Variants in PIEZO2 observed in about 807,000 individuals in gnomAD.
PIEZO2 encodes the protein piezo-type mechanosensitive ion channel component 2.
A neutral mutation model predicts 337.3 loss-of-function variants in PIEZO2; 172 were observed. The ratio of observed to expected loss-of-function variants is 0.51; its 90% CI spans 0.45 to 0.58. PIEZO2 has a LOEUF of 0.58. Among genes scored for constraint, PIEZO2 ranks in the 20% least tolerant of loss-of-function variants. The pLI is 0.00. For missense variants in PIEZO2, 3,028 were observed against 3,391.3 expected (o/e 0.89, Z 2.66); for synonymous variants, 1,251 against 1,228.5 (o/e 1.02, Z -0.38).
intron 1 of PIEZO2, among the ~76,000 whole-genome samples, chr18:11,087,471 T>C (rs1021037714): frequency 6.6e-6 from 1 of 152,208 alleles, no homozygotes; most frequent in African/African-American, 2.4e-5. Context: ...TATCTGAGTA[T>C]AGATAATAAA....
chr18:10,705,276 G>T, intron 41 of PIEZO2, 60 bp downstream of exon 41: 1 of 1,444,784 alleles, frequency 6.9e-7, no homozygotes, highest in South Asian at 1.4e-5. Context: ...ACAGAATTAG[G>T]GCATTATGTT....
At chr18:11,075,948 C>A (rs538340152) in intron 1 of PIEZO2, among the ~76,000 whole-genome samples, 1 of 152,176 alleles carries the variant, frequency 6.6e-6, no homozygotes, top group South Asian at 2.1e-4. Flanking sequence ...CGCCACCATG[C>A]CCGGCTAATT....
rs903512733 is a variant in PIEZO2 at position 10,982,341 on chromosome 18, A to G, written c.161-2681T>C. On this transcript the variant is annotated intron_variant, in intron 2 of 55. Transcript: ENST00000674853. This position sits in a 1 kb window ranked among gnomAD's most constrained non-coding sequence, Gnocchi z 4.1. ...TATTTAAGAATTAACCTAAAAAAGA[A>G]TGCTTAAGACCGTTCTTGACAAAAT... Among the ~76,000 whole-genome samples the G allele has an allele frequency of 2.6e-5, 4 of 152,124 alleles. No individual in the cohort carries two copies. The highest frequency in any genetic ancestry group is 4.4e-5 in the Non-Finnish European group (3 of 68,024).
At chr18:10,774,102 T>G in intron 18 of PIEZO2, 64 bp from the exon 19 acceptor site, 3 of 700,532 alleles carry the variant, frequency 4.3e-6, no homozygotes, top group Non-Finnish European at 7.8e-6. Flanking sequence ...TTATAAGGAA[T>G]GTCAGAGATC....
Position 10,785,069 on chromosome 18 carries a change from T to C in PIEZO2, c.2319-112A>G, listed in dbSNP as rs1326734302. ...ACACTCCTGTCAGGTCTATCGTTTA[T>C]TGAATCCCTCTCTCCCATATGGTCC... On this transcript the variant is annotated intron_variant, in intron 16 of 55. Transcript: ENST00000674853. 3 of 1,216,398 alleles carry C rather than the reference T, an allele frequency of 2.5e-6. No homozygotes were observed. In the Admixed American group the frequency reaches 8.3e-5, roughly 33 times the overall value. 75.4% of individuals were successfully genotyped at this position (1,216,398 alleles called of 1,614,324 possible). A position where few individuals can be genotyped will look rare whatever the true frequency, so the allele number is the denominator to read the frequency against.
intron 2 of PIEZO2, among the ~76,000 whole-genome samples, chr18:10,999,886 T>G (rs149398562): frequency 8.5e-5 from 13 of 152,316 alleles, no homozygotes; most frequent in Middle Eastern, 3.4e-3. Context: ...ACCTATGAGC[T>G]GGGAAGAATG....
At chr18:10,858,198 G>A (rs2041768899) in intron 5 of PIEZO2, among the ~76,000 whole-genome samples, 1 of 151,180 alleles carries the variant, frequency 6.6e-6, no homozygotes, top group East Asian at 2.0e-4. Flanking sequence ...GCACGTGCCT[G>A]TAGTCCTAGC....
chr18:10,689,901 A>G, intron 48 of PIEZO2, 99 bp from the exon 49 acceptor site: 1 of 1,395,560 alleles, frequency 7.2e-7, no homozygotes, highest in Non-Finnish European at 9.6e-7. Flanking sequence ...CTTTAACCTC[A>G]TGACTCAGAA....
rs75639551 is a variant in PIEZO2 at position 10,916,434 on chromosome 18, G to T, written c.287-5206C>A. 2.0e-5 allele frequency among the ~76,000 whole-genome samples: 3 copies of T among 152,256 alleles called. No individual in the cohort carries two copies. The East Asian group carries it at 5.8e-4, about 29-fold the overall frequency. ...CAGGTCCGGAGCCCTTCCTCGAGGC[G>T]AGGAGGCAGAGGCTTGGTGAGAATT... On this transcript the variant is annotated intron_variant, in intron 3 of 55. Coordinates refer to ENST00000674853, the MANE Select transcript of PIEZO2 (RefSeq NM_001378183.1).
chr18:10,707,432 C>T lies in PIEZO2; in HGVS notation c.5588+843G>A, dbSNP rs765000362. On this transcript the variant is annotated intron_variant, in intron 40 of 55. Coordinates refer to ENST00000674853, the MANE Select transcript of PIEZO2 (RefSeq NM_001378183.1). This position sits in a 1 kb window ranked among gnomAD's most constrained non-coding sequence, Gnocchi z 4.2. ...CAGGTGTCAGCATACTGCAGGGATGCACCGAGATACACGGCTGCCAGTGAA... is the reference window on the plus strand; with the variant it reads ...CAGGTGTCAGCATACTGCAGGGATGTACCGAGATACACGGCTGCCAGTGAA... Among the ~76,000 whole-genome samples, 7 of 152,106 alleles carry T rather than the reference C, an allele frequency of 4.6e-5. No individual in the cohort carries two copies. Among genetic ancestry groups the T allele is most frequent in the Non-Finnish European group, 1.0e-4 (7 of 68,032 alleles).
At position 10,777,428 on chromosome 18, in the gene PIEZO2, G is replaced by T. The variant is rs1052075454; in HGVS notation, c.2534+2897C>A. On this transcript the variant is annotated intron_variant, in intron 18 of 55. Transcript: ENST00000674853. ...CCCCTTGAAGACAGAATCCAGTCCT[G>T]CTCTACTCATCACCCTTACAAAATG... Among the ~76,000 whole-genome samples, 3 of 152,306 alleles carry T rather than the reference G, an allele frequency of 2.0e-5. No individual in the cohort carries two copies. The East Asian group carries it at 5.8e-4, about 29-fold the overall frequency.
Position 10,750,591 on chromosome 18 carries a change from C to T in PIEZO2, c.4168-404G>A, listed in dbSNP as rs2037609420. 6.6e-6 allele frequency among the ~76,000 whole-genome samples: 1 copy of T among 152,136 alleles called. No individual in the cohort carries two copies. The highest frequency in any genetic ancestry group is 1.5e-5 in the Non-Finnish European group (1 of 68,024). On this transcript the variant is annotated intron_variant, in intron 28 of 55. Coordinates refer to ENST00000674853, the MANE Select transcript of PIEZO2 (RefSeq NM_001378183.1). The surrounding 1 kb of genome is among the most constrained non-coding windows in gnomAD (Gnocchi z 4.1). ...ACCTATGCTCTTCCCTGGAGGTCAT[C>T]CCAGACCTAAGCTGCAGGGTGTAGT...
At chr18:11,058,670 T>C (rs2037819279) in intron 2 of PIEZO2, among the ~76,000 whole-genome samples, 1 of 152,088 alleles carries the variant, frequency 6.6e-6, no homozygotes, top group South Asian at 2.1e-4. Context: ...GAAGAAAGGG[T>C]ATCGGTGATG....
At chr18:11,020,778 A>C (rs1391609814) in intron 2 of PIEZO2, among the ~76,000 whole-genome samples, 1 of 152,120 alleles carries the variant, frequency 6.6e-6, no homozygotes, top group African/African-American at 2.4e-5. Flanking sequence ...CTTTGCTGAA[A>C]CCTGAAGCCT....
chr18:11,051,393 A>T (rs1301621384), intron 2 of PIEZO2, among the ~76,000 whole-genome samples: 1 of 112,204 alleles, frequency 8.9e-6, no homozygotes, highest in East Asian at 2.2e-4. Flanking sequence ...GTGTGGGTGT[A>T]ACATAAACAT....
chr18:11,036,006 G>A (rs912623385), intron 2 of PIEZO2, among the ~76,000 whole-genome samples: 7 of 152,088 alleles, frequency 4.6e-5, no homozygotes, highest in African/African-American at 1.7e-4. Context: ...GAGTCACCTG[G>A]GATCTGTCAA....
chr18:10,991,753 G>A (rs1376925846), intron 2 of PIEZO2, among the ~76,000 whole-genome samples: 2 of 152,128 alleles, frequency 1.3e-5, no homozygotes, highest in Non-Finnish European at 2.9e-5. Context: ...CTAGTAATGG[G>A]ATTGCTGGGT....
At chr18:11,042,490 C>T (rs1169636241) in intron 2 of PIEZO2, among the ~76,000 whole-genome samples, 5 of 152,348 alleles carry the variant, frequency 3.3e-5, no homozygotes, top group East Asian at 1.9e-4. Context: ...ATAAACATCA[C>T]CAGTGACCAG....
chr18:10,718,090 A>G (rs2036087459), intron 37 of PIEZO2, 110 bp downstream of exon 37: 2 of 948,364 alleles, frequency 2.1e-6, no homozygotes, highest in African/African-American at 1.6e-5. Context: ...CTCATAGTCC[A>G]GAAAACAGTG....
Sources: gnomAD v4.1 joint callset for allele counts (sites outside exome capture counted in the v4.1 genomes callset) on GRCh38, gnomAD v4.1.1 for gene constraint, Gnocchi (gnomAD v3.1) non-coding constraint, MANE v1.5 for transcripts, NCBI Gene and HGNC (gene_info 2026-07-23, HGNC 2026-07-21) for gene names.